The following MYO9A variants were observed in gnomAD, a reference collection of about 807,000 sequenced individuals.
MYO9A encodes the protein unconventional myosin-IXa.
MYO9A carries 103 observed loss-of-function variants against 293.3 expected under a neutral mutation model. The ratio of observed to expected loss-of-function variants is 0.35; its 90% CI spans 0.30 to 0.41. The LOEUF is 0.41. MYO9A is among the 10% of genes least tolerant of loss of function. The pLI is 1.00. For missense variants in MYO9A, 2,685 were observed against 3,033.0 expected (o/e 0.89, Z 2.69); for synonymous variants, 1,001 against 1,035.7 (o/e 0.97, Z 0.64).
At chr15:71,937,943 T>C (rs908195547) in intron 16 of MYO9A, among the ~76,000 whole-genome samples, 5 of 152,124 alleles carry the variant, frequency 3.3e-5, no homozygotes, top group South Asian at 2.1e-4. Context: ...GTAGATACCA[T>C]AGTTAGCCAA....
At chr15:72,036,987 C>A (rs2078067603) in intron 2 of MYO9A, among the ~76,000 whole-genome samples, 1 of 151,772 alleles carries the variant, frequency 6.6e-6, no homozygotes, top group Non-Finnish European at 1.5e-5. Context: ...CCTACCTGAG[C>A]CTCCCAAAGT....
At chr15:71,860,638 A>G (rs1413426682) in intron 33 of MYO9A, among the ~76,000 whole-genome samples, 6 of 152,142 alleles carry the variant, frequency 3.9e-5, no homozygotes, top group Non-Finnish European at 7.3e-5. Context: ...AATAATCAGG[A>G]TAACAACAAA....
At chr15:71,989,133 G>A (rs550832497) in intron 11 of MYO9A, among the ~76,000 whole-genome samples, 14 of 152,110 alleles carry the variant, frequency 9.2e-5, no homozygotes, top group African/African-American at 2.4e-4. Context: ...GACCTCGTCC[G>A]CCCACCTCGG....
chr15:71,851,704 A>G (rs929354199), intron 36 of MYO9A, among the ~76,000 whole-genome samples: 13 of 152,178 alleles, frequency 8.5e-5, no homozygotes, highest in African/African-American at 3.1e-4. Context: ...GAAGGCCTTT[A>G]TCAATATCCT....
intron 15 of MYO9A, among the ~76,000 whole-genome samples, chr15:71,940,149 T>C (rs1434057401): frequency 6.6e-6 from 1 of 152,190 alleles, no homozygotes; most frequent in Non-Finnish European, 1.5e-5. Flanking sequence ...GTTATCTTTC[T>C]GTATGAATGA....
At chr15:71,870,410 AC>A (rs2056471209) in intron 32 of MYO9A, among the ~76,000 whole-genome samples, 2 of 152,240 alleles carry the variant, frequency 1.3e-5, no homozygotes, top group South Asian at 4.1e-4. Context: ...AAAATATGCA[AC>A]AATAGCCTTT....
Position 72,032,646 on chromosome 15 carries a change from G to A in MYO9A, c.841-58C>T, listed in dbSNP as rs976693188. On this transcript the variant is annotated intron_variant, in intron 2 of 41. Coordinates refer to ENST00000356056, the MANE Select transcript of MYO9A (RefSeq NM_006901.4). ...TAAAAAAAAAAAATTTTTTTTTGGA[G>A]GGGGGATTAGGTCAGCTGCTTAGGT... 4.5e-6 allele frequency: 5 copies of A among 1,119,998 alleles called. 1 individual carries two copies. In the Admixed American group the frequency reaches 1.1e-4, roughly 24 times the overall value. The allele number at this position is 1,119,998 out of a possible 1,614,324, so 69.4% of individuals were successfully genotyped here.
chr15:72,038,749 C>A (rs1399091370), intron 2 of MYO9A, among the ~76,000 whole-genome samples: 1 of 152,330 alleles, frequency 6.6e-6, no homozygotes, highest in East Asian at 1.9e-4. Flanking sequence ...TCAACCAGAT[C>A]AGCCCAAGAC....
At position 72,107,937 on chromosome 15, in the gene MYO9A, G is replaced by A. The variant is rs535482849; in HGVS notation, c.-72+9743C>T. On this transcript the variant is annotated intron_variant, in intron 1 of 41. Transcript: ENST00000356056. ...TTAAGGAAAAAATTAAGCATTTACT[G>A]TTCTCTTTTAATAGGAACTGTTGTT... is the stretch of plus-strand genomic sequence containing the variant. Among the ~76,000 whole-genome samples the A allele has an allele frequency of 9.9e-4, 151 of 152,214 alleles. 1 individual carries two copies. The highest frequency in any genetic ancestry group is 1.7e-3 in the Admixed American group (26 of 15,290).
intron 32 of MYO9A, among the ~76,000 whole-genome samples, chr15:71,866,198 C>A (rs1367849059): frequency 6.6e-6 from 1 of 151,816 alleles, no homozygotes; most frequent in Non-Finnish European, 1.5e-5. Context: ...TCATAAAACC[C>A]CTAAAAGTCT....
rs186581481 is a variant in MYO9A, at chr15:72,086,498, T to C, written c.-72+31182A>G. 5.6e-3 allele frequency among the ~76,000 whole-genome samples: 856 copies of C among 152,196 alleles called. 11 individuals carry two copies. The highest frequency in any genetic ancestry group is 0.02 in the African/African-American group (810 of 41,484). ...GTGCCTGCCAAGACTCTGACTGCAATTACAGTACAACCAGGGGAAGGGAGG... is the reference window on the plus strand; with the variant it reads ...GTGCCTGCCAAGACTCTGACTGCAACTACAGTACAACCAGGGGAAGGGAGG... On this transcript the variant is annotated intron_variant, in intron 1 of 41. Transcript: ENST00000356056.
At position 72,117,892 on chromosome 15, in the gene MYO9A, A is replaced by G. The variant is rs1268935839; in HGVS notation, c.-284T>C. ...TGTCAGAGAGACTCCGCCCGGCCTG[A>G]GCAGGCACATCCCCCGCCGCACCCC... On this transcript the variant is annotated 5_prime_UTR_variant, in exon 1 of 42. Transcript: ENST00000356056. 2.0e-5 allele frequency: 8 copies of G among 398,248 alleles called. No individual in the cohort carries two copies. Among genetic ancestry groups the G allele is most frequent in the Non-Finnish European group, 8.9e-6 (2 of 225,988 alleles). 24.7% of individuals were successfully genotyped at this position (398,248 alleles called of 1,614,324 possible). A position where few individuals can be genotyped will look rare whatever the true frequency, so the allele number is the denominator to read the frequency against.
chr15:71,967,871 C>T, intron 13 of MYO9A, 113 bp downstream of exon 13: 2 of 995,560 alleles, frequency 2.0e-6, no homozygotes, highest in South Asian at 2.9e-5. Flanking sequence ...TATACAATAT[C>T]TCCAGTTATT....
chr15:72,058,320 A>G (rs1332339901), intron 1 of MYO9A, among the ~76,000 whole-genome samples: 1 of 152,212 alleles, frequency 6.6e-6, no homozygotes, highest in African/African-American at 2.4e-5. Flanking sequence ...GGCTTTTGGG[A>G]AATCTTCACA....
intron 39 of MYO9A, among the ~76,000 whole-genome samples, chr15:71,846,704 G>C (rs2055403181): frequency 1.3e-5 from 2 of 152,086 alleles, no homozygotes. Flanking sequence ...TCAATAAAAT[G>C]GTTACAACAC....
At chr15:72,021,076 AGGGGGAG>A in intron 4 of MYO9A, 59 bp from the exon 5 acceptor site, 1 of 1,056,454 alleles carries the variant, frequency 9.5e-7, no homozygotes, top group Non-Finnish European at 1.4e-6. Context: ...ATCATTTAAC[AGGGGGAG>A]GGGGGAAGCA....
At position 71,826,576 on chromosome 15, in the gene MYO9A, C is replaced by T. The variant is rs147967806; in HGVS notation, c.*4G>A. On this transcript the variant is annotated 3_prime_UTR_variant, in exon 42 of 42. Coordinates refer to ENST00000356056, the MANE Select transcript of MYO9A (RefSeq NM_006901.4). ...TAGCCACGGAGGGACACACATCTGC[C>T]GGTTCAGACCATAAATTCATTATTT... 407 of 1,573,492 alleles carry T rather than the reference C, an allele frequency of 2.6e-4. No homozygotes were observed. The African/African-American group carries it at 4.6e-3, about 18-fold the overall frequency.
chr15:72,017,821 T>C (rs1395835507), intron 6 of MYO9A, among the ~76,000 whole-genome samples: 4 of 152,102 alleles, frequency 2.6e-5, no homozygotes, highest in Non-Finnish European at 5.9e-5. Flanking sequence ...TTAATAGACA[T>C]AGGAAGATTA....
intron 32 of MYO9A, among the ~76,000 whole-genome samples, chr15:71,866,426 A>AG (rs1403782022): frequency 6.6e-6 from 1 of 152,036 alleles, no homozygotes; most frequent in Non-Finnish European, 1.5e-5. Context: ...GCTACTAGGG[A>AG]GGGTAAGGTG....
Sources: allele counts gnomAD v4.1 joint callset (sites outside exome capture counted in the v4.1 genomes callset), GRCh38; gene constraint gnomAD v4.1.1; transcripts MANE v1.5; gene names NCBI Gene and HGNC (gene_info 2026-07-23, HGNC 2026-07-21).